Variants in TUG1 observed in about 807,000 individuals in gnomAD.
The protein encoded by TUG1 is taurine up-regulated 1.
exon 3 of TUG1, chr22:30,979,097 T>C (rs2041320968): frequency 6.6e-6 from 1 of 152,118 alleles, no homozygotes; most frequent in Non-Finnish European, 1.5e-5. Flanking sequence ...TAAGGTGTGG[T>C]TCAGCCATAT....
At chr22:30,971,982 T>C (rs975262820) in intron 1 of TUG1, 7 of 152,278 alleles carry the variant, frequency 4.6e-5, no homozygotes, top group Admixed American at 3.9e-4. Context: ...CATTTCGTTA[T>C]GTATCCTCTA....
exon 3 of TUG1, chr22:30,975,388 C>A (rs1056152635): frequency 6.6e-6 from 1 of 152,232 alleles, no homozygotes; most frequent in Admixed American, 6.5e-5. Flanking sequence ...TTGAACTCTT[C>A]CGAACACAGT....
exon 3 of TUG1, chr22:30,978,753 G>A (rs1018207958): frequency 2.0e-5 from 3 of 152,220 alleles, no homozygotes; most frequent in African/African-American, 7.2e-5. Flanking sequence ...CCTGATGACA[G>A]CGTTTGTGCC....
At chr22:30,979,118 C>T (rs1036940352) in exon 3 of TUG1, 3 of 151,756 alleles carry the variant, frequency 2.0e-5, no homozygotes, top group Middle Eastern at 3.4e-3. Flanking sequence ...AGGAATATCT[C>T]GTATCTGTTA....
At chr22:30,974,232 T>C (rs1447833844) in intron 2 of TUG1, 2 of 151,334 alleles carry the variant, frequency 1.3e-5, no homozygotes, top group African/African-American at 4.9e-5. Flanking sequence ...AGTAAGATAG[T>C]AAAGTATGTA....
chr22:30,971,005 T>G (rs2041223817), exon 1 of TUG1: 1 of 152,240 alleles, frequency 6.6e-6, no homozygotes, highest in South Asian at 2.1e-4. Flanking sequence ...CAGTTTTTGC[T>G]TCTTTGTTAG....
intron 1 of TUG1, chr22:30,972,233 G>A (rs1055315241): frequency 5.3e-5 from 8 of 152,150 alleles, no homozygotes; most frequent in South Asian, 2.1e-4. Context: ...GAGAAAAGTC[G>A]CTAGATATGG....
chr22:30,975,852 T>C (rs2041282083), exon 3 of TUG1: 1 of 152,166 alleles, frequency 6.6e-6, no homozygotes, highest in Non-Finnish European at 1.5e-5. Context: ...CCTCTTGTTA[T>C]CAGCCATGGT....
At chr22:30,972,791 A>G (rs1286468780) in intron 1 of TUG1, 64 bp from the exon 2 acceptor site, 1 of 153,336 alleles carries the variant, frequency 6.5e-6, no homozygotes, top group Non-Finnish European at 1.5e-5. Context: ...AGACCCACTT[A>G]GAGTCCTGTG....
At chr22:30,973,650 C>T (rs113929213) in intron 2 of TUG1, 63 bp downstream of exon 2, 16 of 152,300 alleles carry the variant, frequency 1.1e-4, no homozygotes, top group South Asian at 1.0e-3. Context: ...AGCACTTGTA[C>T]GTACATTTAT....
At chr22:30,972,897 ACTAC>A (rs1440990831) in exon 2 of TUG1, 2 of 153,368 alleles carry the variant, frequency 1.3e-5, no homozygotes, top group African/African-American at 4.8e-5. Context: ...GGACCTTCTG[ACTAC>A]CTTCCCTGTG....
exon 3 of TUG1, chr22:30,976,154 T>A (rs901167781): frequency 2.6e-5 from 4 of 152,126 alleles, no homozygotes; most frequent in African/African-American, 9.7e-5. Context: ...TTCAGCTCAC[T>A]TTAACAGTTG....
intron 1 of TUG1, 103 bp downstream of exon 1, chr22:30,971,882 C>T (rs1212121353): frequency 6.6e-6 from 1 of 152,244 alleles, no homozygotes; most frequent in Non-Finnish European, 1.5e-5. Flanking sequence ...TTTCATCTGT[C>T]AAAACTGCCA....
chr22:30,976,979 A>G (rs2041295573), exon 3 of TUG1: 1 of 152,010 alleles, frequency 6.6e-6, no homozygotes, highest in African/African-American at 2.4e-5. Flanking sequence ...ATTATCGTCA[A>G]TTTTCTACTA....
exon 2 of TUG1, chr22:30,972,926 T>C (rs140269637): frequency 3.8e-4 from 58 of 153,008 alleles, no homozygotes; most frequent in Non-Finnish European, 6.4e-4. Flanking sequence ...TCCATCAGCC[T>C]ACAGACCTGG....
exon 3 of TUG1, chr22:30,975,991 T>C (rs1310414978): frequency 6.6e-6 from 1 of 151,454 alleles, no homozygotes; most frequent in African/African-American, 2.4e-5. Context: ...ACTCAACCAG[T>C]AGCAGTTATA....
At chr22:30,971,095 T>C (rs1041691269) in exon 1 of TUG1, 9 of 152,196 alleles carry the variant, frequency 5.9e-5, no homozygotes, top group African/African-American at 2.2e-4. Context: ...ATTTCAAACA[T>C]TTTCGTTTTG....
chr22:30,977,556 C>T (rs1428723062), exon 3 of TUG1: 5 of 152,176 alleles, frequency 3.3e-5, no homozygotes, highest in Admixed American at 3.3e-4. Flanking sequence ...AGAATAAGCC[C>T]TATGGATTAA....
exon 3 of TUG1, chr22:30,978,888 A>G (rs1448076106): frequency 6.6e-6 from 1 of 152,190 alleles, no homozygotes; most frequent in African/African-American, 2.4e-5. Context: ...TTGAATCCAC[A>G]CTAATATATC....
Sources: gnomAD v4.1 joint callset for allele counts on GRCh38, gnomAD v4.1.1 for gene constraint, MANE v1.5 for transcripts, NCBI Gene and HGNC (gene_info 2026-07-23, HGNC 2026-07-21) for gene names.